Variants in TMEM117 observed in about 807,000 individuals in gnomAD.
TMEM117 encodes the protein transmembrane protein 117.
A neutral mutation model predicts 52.4 loss-of-function variants in TMEM117; 27 were observed. The observed-to-expected ratio is 0.51, with a 90% CI of 0.38 to 0.71. The LOEUF is 0.71. TMEM117 is among the 30% of genes least tolerant of loss of function. The probability of loss-of-function intolerance (pLI) is 0.00; values close to 1 mark genes in which losing one functional copy is unlikely to be tolerated. For synonymous variants in TMEM117, 215 were observed against 206.3 expected, an observed-to-expected ratio of 1.04 and a Z score of -0.36; for missense variants, 556 against 630.5, an observed-to-expected ratio of 0.88 and a Z score of 1.26.
chr12:43,871,844 G>A (rs1224114538), intron 2 of TMEM117, among the ~76,000 whole-genome samples: 2 of 152,174 alleles, frequency 1.3e-5, no homozygotes, highest in African/African-American at 2.4e-5. Context: ...ATTTAGTCCA[G>A]CAATTTTTCT....
intron 1 of TMEM117, among the ~76,000 whole-genome samples, chr12:43,841,225 A>G (rs965989569): frequency 6.6e-6 from 1 of 152,230 alleles, no homozygotes; most frequent in African/African-American, 2.4e-5. Context: ...GTGGAAATAA[A>G]GAATGAGCTG....
intron 3 of TMEM117, among the ~76,000 whole-genome samples, chr12:44,039,736 C>T (rs1340026709): frequency 6.6e-6 from 1 of 151,954 alleles, no homozygotes; most frequent in Non-Finnish European, 1.5e-5. Context: ...TTTTCCTTCT[C>T]AATGAAATCT....
intron 5 of TMEM117, among the ~76,000 whole-genome samples, chr12:44,250,268 C>T (rs773023745): frequency 3.3e-5 from 5 of 152,228 alleles, no homozygotes; most frequent in Non-Finnish European, 5.9e-5. Context: ...TAGAGAAATG[C>T]GAATCAAAAC....
At chr12:43,887,041 G>C (rs188111312) in intron 2 of TMEM117, among the ~76,000 whole-genome samples, 1 of 152,138 alleles carries the variant, frequency 6.6e-6, no homozygotes, top group East Asian at 1.9e-4. Flanking sequence ...TAGAGATGGG[G>C]TTTTACCATG....
chr12:43,943,068 C>T (rs1021895304), intron 2 of TMEM117, among the ~76,000 whole-genome samples: 2 of 144,500 alleles, frequency 1.4e-5, no homozygotes, highest in Non-Finnish European at 3.0e-5. Flanking sequence ...ATCCCAGTTA[C>T]CTGGGAGGCT....
chr12:44,229,280 A>C (rs1316302320), intron 5 of TMEM117, among the ~76,000 whole-genome samples: 1 of 152,072 alleles, frequency 6.6e-6, no homozygotes, highest in East Asian at 1.9e-4. Flanking sequence ...ATGGGGAGAA[A>C]TGTTTGAGCT....
At chr12:44,061,724 A>T (rs1309969757) in intron 3 of TMEM117, among the ~76,000 whole-genome samples, 2 of 152,164 alleles carry the variant, frequency 1.3e-5, no homozygotes, top group African/African-American at 2.4e-5. Flanking sequence ...CATATGGAGG[A>T]GGACCCATAT....
chr12:43,956,174 A>C lies in TMEM117; in HGVS notation c.410+11832A>C, dbSNP rs562060013. On this transcript the variant is annotated intron_variant, in intron 3 of 7. Transcript: ENST00000266534. ...GATTAAAGCCTTAAATGTAAAACCC[A>C]AAACTATAAAAACCCTAGAAGACAA... Among the ~76,000 whole-genome samples, 4 of 152,334 alleles carry C rather than the reference A, an allele frequency of 2.6e-5. No individual in the cohort carries two copies. The South Asian group carries it at 6.2e-4, about 24-fold the overall frequency.
At chr12:44,027,372 C>T (rs1946558886) in intron 3 of TMEM117, among the ~76,000 whole-genome samples, 3 of 151,782 alleles carry the variant, frequency 2.0e-5, no homozygotes, top group Admixed American at 1.3e-4. Flanking sequence ...TGGGGTTTCA[C>T]CATGTTGGCC....
chr12:44,154,247 G>A (rs1430520148), intron 4 of TMEM117, among the ~76,000 whole-genome samples: 1 of 151,990 alleles, frequency 6.6e-6, no homozygotes, highest in Non-Finnish European at 1.5e-5. Context: ...CATTTCCAAC[G>A]ATATCAGTTA....
chr12:44,007,079 T>C (rs1235094717), intron 3 of TMEM117, among the ~76,000 whole-genome samples: 1 of 152,186 alleles, frequency 6.6e-6, no homozygotes, highest in Non-Finnish European at 1.5e-5. Context: ...GGGTAGTGCA[T>C]GTACCTTATA....
In TMEM117 at chr12:43,891,367, A is replaced by ATTTTTTTTTTTTTTTTTTTTTTT. The variant is rs772754829; in HGVS notation, c.277+46440_277+46462dup. Among the ~76,000 whole-genome samples the ATTTTTTTTTTTTTTTTTTTTTTT allele has an allele frequency of 1.7e-4, 10 of 57,796 alleles. 4 individuals carry two copies. Among genetic ancestry groups the ATTTTTTTTTTTTTTTTTTTTTTT allele is most frequent in the East Asian group, 6.5e-4 (1 of 1,544 alleles). 37.9% of individuals were successfully genotyped at this position (57,796 alleles called of 152,430 possible). A position where few individuals can be genotyped will look rare whatever the true frequency, so the allele number is the denominator to read the frequency against. ...ATTTCTTTTGGGAAATACCTCTTGA[A>ATTTTTTTTTTTTTTTTTTTTTTT]TTTTTTTTTTTTTTTTTTTTTTTGA... On this transcript the variant is annotated intron_variant, in intron 2 of 7. Transcript: ENST00000266534.
intron 3 of TMEM117, among the ~76,000 whole-genome samples, chr12:44,122,986 A>G (rs1268264686): frequency 6.6e-6 from 1 of 152,206 alleles, no homozygotes; most frequent in Non-Finnish European, 1.5e-5. Flanking sequence ...GAATTGCCAC[A>G]TTGTCTTCCA....
rs559865822 is a variant in TMEM117 at position 44,127,154 on chromosome 12, TC to T, written c.411-16370del. Reference sequence around the variant, plus strand: ...ATTTTACAGGATTTCTGTGTTGAATTCTAAAATTAGGATCATAGAGATTTTA... The same window carrying T: ...ATTTTACAGGATTTCTGTGTTGAATTTAAAATTAGGATCATAGAGATTTTA... On this transcript the variant is annotated intron_variant, in intron 3 of 7. Transcript: ENST00000266534. Among the ~76,000 whole-genome samples the T allele has an allele frequency of 8.8e-3, 1,340 of 152,330 alleles. 13 individuals are homozygous for T. Among genetic ancestry groups the T allele is most frequent in the Non-Finnish European group, 0.014 (952 of 68,024 alleles).
chr12:43,911,867 G>A (rs1292262002), intron 2 of TMEM117, among the ~76,000 whole-genome samples: 5 of 150,966 alleles, frequency 3.3e-5, no homozygotes, highest in Admixed American at 6.6e-5. Flanking sequence ...GAGAGGCTGT[G>A]GAGAAATAGG....
At position 43,845,701 on chromosome 12, in the gene TMEM117, C is replaced by T. The variant is rs373267417; in HGVS notation, c.277+773C>T. The stretch of plus-strand genomic sequence containing the variant: ...ATGCTATCCCTCCCCCCTCCCCCAA[C>T]CCCATGACAGGGCCTGGGGTATGAT... On this transcript the variant is annotated intron_variant, in intron 2 of 7. Transcript: ENST00000266534. 1.1e-4 allele frequency among the ~76,000 whole-genome samples: 16 copies of T among 151,262 alleles called. No individual in the cohort carries two copies. In the East Asian group the frequency reaches 1.6e-3, roughly 15 times the overall value.
At chr12:43,847,399 C>T (rs939936391) in intron 2 of TMEM117, among the ~76,000 whole-genome samples, 1 of 152,126 alleles carries the variant, frequency 6.6e-6, no homozygotes, top group Non-Finnish European at 1.5e-5. Context: ...AACCTGATAT[C>T]TCTTTAACCT....
intron 5 of TMEM117, among the ~76,000 whole-genome samples, chr12:44,267,465 A>T (rs1950392814): frequency 6.6e-6 from 1 of 152,208 alleles, no homozygotes; most frequent in African/African-American, 2.4e-5. Flanking sequence ...AATCTATGCC[A>T]TGAACTTGTT....
At chr12:44,368,678 C>G (rs1386634142) in intron 6 of TMEM117, among the ~76,000 whole-genome samples, 1 of 152,060 alleles carries the variant, frequency 6.6e-6, no homozygotes, top group African/African-American at 2.4e-5. Flanking sequence ...ATGTGCGGAG[C>G]CAGAACAGAT....
Sources: gnomAD v4.1 joint callset for allele counts (sites outside exome capture counted in the v4.1 genomes callset) on GRCh38, gnomAD v4.1.1 for gene constraint, MANE v1.5 for transcripts, NCBI Gene and HGNC (gene_info 2026-07-23, HGNC 2026-07-21) for gene names.